Variants in NEBL observed in about 807,000 individuals in gnomAD.
NEBL encodes nebulette, also known as LIM and SH3 protein 2.
Under a neutral mutation model 140.2 loss-of-function variants are expected in NEBL, and 122 were observed. That is an observed-to-expected ratio of 0.87 (90% confidence interval 0.75 to 1.01). The LOEUF (loss-of-function observed/expected upper bound fraction) is 1.01, where lower values mean the gene tolerates loss of function less well. Among genes scored for constraint, NEBL ranks in the 50% least tolerant of loss-of-function variants. NEBL has a pLI of 0.00. For missense variants in NEBL, 1,365 were observed against 1,231.3 expected, an observed-to-expected ratio of 1.11 and a Z score of -1.62; for synonymous variants, 436 against 398.9, an observed-to-expected ratio of 1.09 and a Z score of -1.11.
At chr10:20,961,665 C>A (rs1231536673) in intron 4 of NEBL, 1 of 1,580,354 alleles carries the variant, frequency 6.3e-7, no homozygotes, top group Non-Finnish European at 8.7e-7. Context: ...AATAAACAGG[C>A]ACCTACATTA....
At chr10:21,121,772 C>T (rs1039985484) in intron 2 of NEBL, among the ~76,000 whole-genome samples, 1 of 152,166 alleles carries the variant, frequency 6.6e-6, no homozygotes, top group African/African-American at 2.4e-5. Context: ...TTGACAGTAG[C>T]ACATTAGACA....
At position 21,280,895 on chromosome 10, in the gene NEBL, G is replaced by A. The variant is rs568326027; in HGVS notation, n.182+11935C>T. Among the ~76,000 whole-genome samples the A allele has an allele frequency of 8.3e-4, 127 of 152,232 alleles. No individual in the cohort carries two copies. The South Asian group carries it at 0.016, about 19-fold the overall frequency. Reference sequence around the variant, plus strand: ...TTCCCAAAGTGCTGTGATTACAGGCGTGAGCCACCTCACCCAGCCAAGCAT... The same window carrying A: ...TTCCCAAAGTGCTGTGATTACAGGCATGAGCCACCTCACCCAGCCAAGCAT... On this transcript the variant is annotated intron_variant and non_coding_transcript_variant, in intron 1 of 8. Transcript: ENST00000675702.
chr10:20,863,482 AAACT>A (rs1843940987), intron 7 of NEBL, among the ~76,000 whole-genome samples: 1 of 152,222 alleles, frequency 6.6e-6, no homozygotes, highest in South Asian at 2.1e-4. Flanking sequence ...GGATGAAATC[AAACT>A]AAAAGCTGTC....
chr10:20,936,859 T>A (rs1191243432), intron 4 of NEBL, among the ~76,000 whole-genome samples: 3 of 152,196 alleles, frequency 2.0e-5, no homozygotes, highest in African/African-American at 7.2e-5. Flanking sequence ...GTCGATTCCT[T>A]TTCAGCAGCA....
chr10:21,248,005 A>C (rs2132270198), intron 2 of NEBL: 2 of 228,838 alleles, frequency 8.7e-6, no homozygotes, highest in Middle Eastern at 5.3e-4. Context: ...GAAGGAAATT[A>C]TGATTAAAAA....
At chr10:21,136,958 T>G (rs1390879968) in intron 2 of NEBL, among the ~76,000 whole-genome samples, 1 of 152,218 alleles carries the variant, frequency 6.6e-6, no homozygotes, top group East Asian at 1.9e-4. Context: ...GTTGATAGGT[T>G]CTTCTTTAAA....
intron 2 of NEBL, among the ~76,000 whole-genome samples, chr10:21,153,810 G>A (rs984910645): frequency 1.4e-4 from 21 of 151,868 alleles, no homozygotes; most frequent in African/African-American, 4.4e-4. Context: ...CACCGTGCCC[G>A]GCCATAAATT....
chr10:20,962,338 C>T (rs919007706), intron 3 of NEBL, among the ~76,000 whole-genome samples: 16 of 152,216 alleles, frequency 1.1e-4, no homozygotes, highest in African/African-American at 3.9e-4. Flanking sequence ...AGAAGGCCAA[C>T]ATATGGATAC....
intron 3 of NEBL, among the ~76,000 whole-genome samples, chr10:21,240,433 A>T (rs1842424146): frequency 1.3e-5 from 2 of 152,096 alleles, no homozygotes; most frequent in African/African-American, 4.8e-5. Flanking sequence ...ACCTGAGGTC[A>T]AGAGTTCGAG....
chr10:21,133,730 G>C (rs1839220981), intron 2 of NEBL, among the ~76,000 whole-genome samples: 1 of 152,176 alleles, frequency 6.6e-6, no homozygotes, highest in African/African-American at 2.4e-5. Flanking sequence ...GGAAACCTAT[G>C]TCTCAAAATA....
intron 4 of NEBL, among the ~76,000 whole-genome samples, chr10:20,930,044 T>G (rs1834108400): frequency 6.6e-6 from 1 of 152,180 alleles, no homozygotes; most frequent in Non-Finnish European, 1.5e-5. Flanking sequence ...GCCATCTAGG[T>G]GCTGACGACT....
intron 13 of NEBL, 111 bp from the exon 14 acceptor site, chr10:20,835,734 A>G: frequency 1.3e-6 from 1 of 791,082 alleles, no homozygotes; most frequent in Non-Finnish European, 2.2e-6. Context: ...AAGAGGTAAC[A>G]AAGCTCCTTG....
intron 20 of NEBL, chr10:20,819,132 G>T: frequency 1.1e-6 from 1 of 922,960 alleles, no homozygotes; most frequent in Non-Finnish European, 1.4e-6. Context: ...CTTGTGTTAT[G>T]GGAGTTTGTT....
intron 6 of NEBL, 120 bp downstream of exon 6, chr10:20,869,620 G>GTATTCATT: frequency 1.4e-6 from 1 of 732,716 alleles, no homozygotes; most frequent in Admixed American, 2.0e-5. Flanking sequence ...AAATTGAGAT[G>GTATTCATT]TATTCATTTA....
chr10:20,858,223 C>A lies in NEBL; in HGVS notation c.903+17G>T, dbSNP rs1843288848. 6.4e-7 allele frequency: 1 copy of A among 1,566,928 alleles called. No individual in the cohort carries two copies. The highest frequency in any genetic ancestry group is 1.1e-5 in the South Asian group (1 of 90,078). ...AGCCACAAGGCAACTACGGTTGCCG[C>A]TAGATGAACCACTTACGCCGCTGAG... is the stretch of plus-strand genomic sequence containing the variant. On this transcript the variant is annotated intron_variant, in intron 9 of 27. Coordinates refer to ENST00000377122, the MANE Select transcript of NEBL (RefSeq NM_006393.3).
chr10:21,194,672 C>T (rs935026365), intron 3 of NEBL, among the ~76,000 whole-genome samples: 8 of 152,100 alleles, frequency 5.3e-5, no homozygotes, highest in African/African-American at 1.9e-4. Flanking sequence ...GTCCTATACC[C>T]GTACTTTGAG....
At chr10:20,923,492 C>T (rs1055622483) in intron 4 of NEBL, among the ~76,000 whole-genome samples, 6 of 151,514 alleles carry the variant, frequency 4.0e-5, no homozygotes, top group Non-Finnish European at 2.9e-5. Context: ...TCCTGACTAA[C>T]ACAGTGAAAT....
At chr10:21,207,825 A>C (rs1297504096) in intron 3 of NEBL, among the ~76,000 whole-genome samples, 2 of 152,192 alleles carry the variant, frequency 1.3e-5, no homozygotes, top group African/African-American at 4.8e-5. Context: ...TTCATTTAAA[A>C]AGTGGACAGA....
chr10:21,089,259 G>A (rs1836794665), intron 2 of NEBL, among the ~76,000 whole-genome samples: 2 of 152,184 alleles, frequency 1.3e-5, no homozygotes, highest in Admixed American at 1.3e-4. Context: ...GATATGAGCA[G>A]TGTGAGCTGC....
Sources: gnomAD v4.1 joint callset for allele counts (sites outside exome capture counted in the v4.1 genomes callset) on GRCh38, gnomAD v4.1.1 for gene constraint, MANE v1.5 for transcripts, NCBI Gene and HGNC (gene_info 2026-07-23, HGNC 2026-07-21) for gene names.